The following ANK2 variants were observed in gnomAD, a reference collection of about 807,000 sequenced individuals.
ANK2 encodes ankyrin 2.
In ANK2, 83 loss-of-function variants were observed where a neutral mutation model predicts 360.5. The observed-to-expected ratio is 0.23, with a 90% confidence interval of 0.19 to 0.28. The LOEUF is 0.28. Ranked by LOEUF, ANK2 falls within the 10% of genes least tolerant of loss-of-function variation. The pLI is 1.00. For synonymous variants in ANK2, 1,740 were observed against 1,759.5 expected, an observed-to-expected ratio of 0.99 and a Z score of 0.28; for missense variants, 4,201 against 4,795.7, an observed-to-expected ratio of 0.88 and a Z score of 3.66.
chr4:113,271,844 C>G (rs1223508283), intron 14 of ANK2, among the ~76,000 whole-genome samples: 1 of 152,204 alleles, frequency 6.6e-6, no homozygotes, highest in Non-Finnish European at 1.5e-5. Flanking sequence ...GCCTCAGTTC[C>G]TCTGTCAGCC....
intron 2 of ANK2, among the ~76,000 whole-genome samples, chr4:113,179,154 T>G (rs2098327292): frequency 6.6e-6 from 1 of 152,164 alleles, no homozygotes; most frequent in Non-Finnish European, 1.5e-5. Context: ...GCCAAACTAT[T>G]GCTATTTCTA....
chr4:113,121,674 C>CT (rs1402994457), intron 1 of ANK2, among the ~76,000 whole-genome samples: 2 of 152,036 alleles, frequency 1.3e-5, no homozygotes, highest in African/African-American at 4.8e-5. Context: ...TGCAAATCTA[C>CT]TTTTATTAAA....
At chr4:113,212,719 C>G (rs1026451913) in intron 4 of ANK2, among the ~76,000 whole-genome samples, 1 of 152,194 alleles carries the variant, frequency 6.6e-6, no homozygotes, top group Non-Finnish European at 1.5e-5. Context: ...GTACCTTCAG[C>G]AAACAGTTGT....
intron 1 of ANK2, among the ~76,000 whole-genome samples, chr4:113,152,045 G>A: frequency 8.2e-6 from 1 of 122,696 alleles, no homozygotes. Context: ...CAGCCTGGGT[G>A]ACAGAGCAAG....
At chr4:113,345,327 C>T (rs2094721473) in intron 34 of ANK2, among the ~76,000 whole-genome samples, 1 of 152,008 alleles carries the variant, frequency 6.6e-6, no homozygotes, top group African/African-American at 2.4e-5. Flanking sequence ...GGGACAGTTT[C>T]GGCATAGGAT....
intron 4 of ANK2, among the ~76,000 whole-genome samples, chr4:113,223,271 T>C (rs530999847): frequency 2.4e-4 from 36 of 152,296 alleles, no homozygotes; most frequent in African/African-American, 8.2e-4. Context: ...TAGCATGTCG[T>C]GGTTAAGGCT....
chr4:113,197,455 C>T (rs566764447), intron 3 of ANK2, among the ~76,000 whole-genome samples: 2 of 152,284 alleles, frequency 1.3e-5, no homozygotes, highest in South Asian at 4.1e-4. Context: ...TGGAAAAATA[C>T]AGTGCTAATC....
At chr4:112,907,292 C>T (rs2085558262) in intron 2 of ANK2, among the ~76,000 whole-genome samples, 1 of 152,040 alleles carries the variant, frequency 6.6e-6, no homozygotes, top group South Asian at 2.1e-4. Flanking sequence ...TTTCTGTGTC[C>T]CATTTGACTT....
intron 22 of ANK2, among the ~76,000 whole-genome samples, chr4:113,302,543 A>G (rs1396418864): frequency 1.3e-5 from 2 of 152,208 alleles, no homozygotes; most frequent in Non-Finnish European, 2.9e-5. Context: ...AAAATAATGA[A>G]CTGTCTCTTG....
chr4:112,880,768 AC>A (rs1290892583), intron 1 of ANK2: 1 of 152,228 alleles, frequency 6.6e-6, no homozygotes, highest in African/African-American at 2.4e-5. Context: ...GATTATTTAG[AC>A]CAGGGGTTGG....
chr4:112,874,081 T>TC (rs1491357462), intron 1 of ANK2, among the ~76,000 whole-genome samples: 12 of 67,212 alleles, frequency 1.8e-4, no homozygotes, highest in Admixed American at 1.6e-3. Context: ...TGGGGTTCTC[T>TC]TTTTTTTTTT....
At position 113,350,216 on chromosome 4, in the gene ANK2, G is replaced by A. The variant is rs1227739775; in HGVS notation, c.4405-12G>A. The A allele has an allele frequency of 1.2e-6, 2 of 1,606,562 alleles. No individual in the cohort carries two copies. The highest frequency in any genetic ancestry group is 2.7e-5 in the African/African-American group (2 of 74,714). On this transcript the variant is annotated splice_polypyrimidine_tract_variant and intron_variant, in intron 36 of 45. Transcript: ENST00000357077. ...ATTTGTAACCATTCAATTTATGTAT[G>A]TTTTCTTTCAGATCGATATGACATC... is the stretch of plus-strand genomic sequence containing the variant.
At chr4:113,151,202 CA>C in intron 1 of ANK2, 5 of 1,170,224 alleles carry the variant, frequency 4.3e-6, no homozygotes, top group Middle Eastern at 2.3e-4. Context: ...ACCTTCTGCT[CA>C]AAAAAGGAAT....
the ANK2 span, among the ~76,000 whole-genome samples, chr4:112,786,491 G>A: frequency 4.0e-5 from 6 of 148,714 alleles, no homozygotes; most frequent in East Asian, 8.2e-4. Context: ...TCTGCCTTCC[G>A]GTTTAAGTGA....
At chr4:112,720,890 T>TGG in the ANK2 span, among the ~76,000 whole-genome samples, 1 of 152,342 alleles carries the variant, frequency 6.6e-6, no homozygotes, top group East Asian at 1.9e-4. Flanking sequence ...TAGAGGACCA[T>TGG]CAAGGGAATA....
upstream of ANK2, among the ~76,000 whole-genome samples, chr4:113,044,694 A>G (rs1261678435): frequency 4.6e-5 from 7 of 152,072 alleles, no homozygotes; most frequent in African/African-American, 1.7e-4. Context: ...CTTGCCTTGT[A>G]GCTACATCAC....
chr4:113,040,346 G>T (rs748872470), intron 2 of ANK2, among the ~76,000 whole-genome samples: 23 of 152,086 alleles, frequency 1.5e-4, no homozygotes, highest in Non-Finnish European at 2.5e-4. Context: ...GAAGTGAGGT[G>T]TTAAAATTGT....
intron 41 of ANK2, among the ~76,000 whole-genome samples, chr4:113,366,719 C>T (rs771253302): frequency 6.6e-6 from 1 of 152,168 alleles, no homozygotes; most frequent in Non-Finnish European, 1.5e-5. Context: ...TAAGCAGAGC[C>T]TTTCCTGACA....
chr4:113,238,277 A>T (rs1356624800), intron 7 of ANK2, among the ~76,000 whole-genome samples: 2 of 152,276 alleles, frequency 1.3e-5, no homozygotes, highest in Non-Finnish European at 2.9e-5. Flanking sequence ...GGCCATTGCT[A>T]CAGAGAGAGA....
Sources: gnomAD v4.1 joint callset for allele counts (sites outside exome capture counted in the v4.1 genomes callset) on GRCh38, gnomAD v4.1.1 for gene constraint, MANE v1.5 for transcripts, NCBI Gene and HGNC (gene_info 2026-07-23, HGNC 2026-07-21) for gene names.